Variants in CSMD1 observed in about 807,000 individuals in gnomAD.
The protein encoded by CSMD1 is CUB and Sushi multiple domains 1.
A neutral mutation model predicts 417.5 loss-of-function variants in CSMD1; 213 were observed. That is an observed-to-expected ratio of 0.51 (90% CI 0.46 to 0.57). The LOEUF is 0.57. Among genes scored for constraint, CSMD1 ranks in the 20% least tolerant of loss-of-function variants. The pLI, the probability that CSMD1 is intolerant of heterozygous loss-of-function variation, is 0.00. For missense variants in CSMD1, 6,923 were observed against 4,529.7 expected, an observed-to-expected ratio of 1.53 and a Z score of -15.17; for synonymous variants, 2,862 against 1,736.8, an observed-to-expected ratio of 1.65 and a Z score of -16.11.
chr8:3,899,431 G>C (rs75666191), intron 5 of CSMD1, among the ~76,000 whole-genome samples: 1 of 152,176 alleles, frequency 6.6e-6, no homozygotes, highest in African/African-American at 2.4e-5. Context: ...TGGCCACAGG[G>C]ATTGTACGTG....
intron 3 of CSMD1, among the ~76,000 whole-genome samples, chr8:4,254,116 A>C (rs1803275896): frequency 6.6e-6 from 1 of 151,752 alleles, no homozygotes; most frequent in Admixed American, 6.6e-5. Flanking sequence ...ACAGGGTTTC[A>C]CCGTGTTAGC....
At chr8:4,346,048 G>A (rs888059369) in intron 3 of CSMD1, among the ~76,000 whole-genome samples, 13 of 152,086 alleles carry the variant, frequency 8.5e-5, no homozygotes, top group African/African-American at 3.1e-4. Context: ...TATCCAGATT[G>A]TTCATGGTCC....
intron 65 of CSMD1, among the ~76,000 whole-genome samples, chr8:2,951,500 G>C (rs900817026): frequency 1.3e-5 from 2 of 152,126 alleles, no homozygotes; most frequent in Non-Finnish European, 2.9e-5. Flanking sequence ...GTGCTTATGG[G>C]TTTCTTTTAT....
chr8:4,662,831 A>G (rs753227431), intron 1 of CSMD1, among the ~76,000 whole-genome samples: 6 of 152,210 alleles, frequency 3.9e-5, no homozygotes, highest in Admixed American at 6.5e-5. Context: ...TCATCAAAAC[A>G]TTGTGGCAGG....
chr8:4,264,600 G>C (rs757027697), intron 3 of CSMD1, among the ~76,000 whole-genome samples: 7 of 152,140 alleles, frequency 4.6e-5, no homozygotes, highest in Non-Finnish European at 7.3e-5. Context: ...CGGCGTTCTA[G>C]GGTAGATAGC....
chr8:4,303,576 G>A (rs1798096432), intron 3 of CSMD1, among the ~76,000 whole-genome samples: 1 of 151,904 alleles, frequency 6.6e-6, no homozygotes, highest in Non-Finnish European at 1.5e-5. Flanking sequence ...AGCAGCGTTG[G>A]TGACTGTGTG....
At chr8:3,018,399 T>A (rs923294754) in intron 52 of CSMD1, 78 bp downstream of exon 52, 1 of 1,334,142 alleles carries the variant, frequency 7.5e-7, no homozygotes, top group Non-Finnish European at 1.0e-6. Flanking sequence ...TAGCAAGAAG[T>A]CATATGTGTT....
rs377410535 is a variant in CSMD1 at position 4,493,186 on chromosome 8, G to C, written c.303-73121C>G. ...CAATAGTATTCTTCACCTTAAGACA[G>C]TAAGCGTTATATACCTACATTGGAA... On this transcript the variant is annotated intron_variant, in intron 2 of 69. Coordinates refer to ENST00000635120, the MANE Select transcript of CSMD1 (RefSeq NM_033225.6). Among the ~76,000 whole-genome samples, 7 of 152,252 alleles carry C rather than the reference G, an allele frequency of 4.6e-5. No individual in the cohort carries two copies. In the South Asian group the frequency reaches 1.5e-3, roughly 32 times the overall value.
intron 3 of CSMD1, among the ~76,000 whole-genome samples, chr8:4,111,111 A>C (rs28394275): frequency 4.3e-4 from 65 of 150,850 alleles, no homozygotes; most frequent in African/African-American, 1.5e-3. Context: ...TCCTTCTACA[A>C]AGTTTTGTTT....
chr8:4,682,720 T>A (rs1806126435), intron 1 of CSMD1, among the ~76,000 whole-genome samples: 1 of 151,728 alleles, frequency 6.6e-6, no homozygotes, highest in South Asian at 2.1e-4. Context: ...TTCTATATTA[T>A]TTGTCCAATA....
chr8:3,626,247 T>C (rs1796487747), intron 7 of CSMD1, among the ~76,000 whole-genome samples: 2 of 152,198 alleles, frequency 1.3e-5, no homozygotes, highest in Admixed American at 6.5e-5. Context: ...ACTTAGGGCC[T>C]GTCATTTCTG....
At chr8:4,834,956 CAAAA>C (rs1194297821) in intron 1 of CSMD1, among the ~76,000 whole-genome samples, 7 of 19,830 alleles carry the variant, frequency 3.5e-4, no homozygotes, top group South Asian at 6.8e-3. Flanking sequence ...GACTCCATCT[CAAAA>C]AAAAAAAAAA....
At chr8:4,318,415 G>T (rs1254081386) in intron 3 of CSMD1, among the ~76,000 whole-genome samples, 1 of 152,084 alleles carries the variant, frequency 6.6e-6, no homozygotes, top group South Asian at 2.1e-4. Flanking sequence ...TTCTGTGTGT[G>T]TGAGAAAGAG....
intron 3 of CSMD1, among the ~76,000 whole-genome samples, chr8:4,372,672 T>C (rs1287750914): frequency 1.3e-5 from 2 of 149,770 alleles, no homozygotes; most frequent in Admixed American, 6.7e-5. Context: ...GCCACATTGA[T>C]GCAGGCCTGT....
chr8:4,121,210 G>T (rs1430930220), intron 3 of CSMD1, among the ~76,000 whole-genome samples: 20 of 152,082 alleles, frequency 1.3e-4, no homozygotes, highest in African/African-American at 4.6e-4. Flanking sequence ...TGCCTCTCGG[G>T]TTCAAGCAAT....
intron 49 of CSMD1, among the ~76,000 whole-genome samples, chr8:3,076,089 A>C (rs141015263): frequency 1.3e-5 from 2 of 151,926 alleles, no homozygotes; most frequent in Admixed American, 6.5e-5. Flanking sequence ...GTCACTGTTT[A>C]TTTTTAAAAG....
chr8:4,466,186 G>C (rs369858393), intron 2 of CSMD1, among the ~76,000 whole-genome samples: 4 of 152,124 alleles, frequency 2.6e-5, no homozygotes, highest in East Asian at 3.9e-4. Context: ...AGCTGTTTAA[G>C]ATTGGGCATG....
intron 3 of CSMD1, among the ~76,000 whole-genome samples, chr8:4,249,418 G>C (rs928784625): frequency 5.3e-5 from 8 of 152,192 alleles, no homozygotes; most frequent in African/African-American, 1.7e-4. Context: ...AACTAATAGT[G>C]TTAGTGAAAA....
intron 6 of CSMD1, among the ~76,000 whole-genome samples, chr8:3,753,503 T>C (rs893840827): frequency 6.6e-6 from 1 of 152,214 alleles, no homozygotes; most frequent in Admixed American, 6.5e-5. Context: ...GAATCATGCA[T>C]TTATGTGGTG....
Sources: allele counts gnomAD v4.1 joint callset (sites outside exome capture counted in the v4.1 genomes callset), GRCh38; gene constraint gnomAD v4.1.1; transcripts MANE v1.5; gene names NCBI Gene and HGNC (gene_info 2026-07-23, HGNC 2026-07-21).